Variants in FAM227B observed in about 807,000 individuals in gnomAD.
The protein encoded by FAM227B is family with sequence similarity 227 member B.
In FAM227B, 88 loss-of-function variants were observed where a neutral mutation model predicts 73.8. The ratio of observed to expected loss-of-function variants is 1.19; its 90% CI spans 1.00 to 1.42. The LOEUF (loss-of-function observed/expected upper bound fraction) is 1.42. Ranked by LOEUF, FAM227B falls within the 40% of genes most tolerant of loss-of-function variation. FAM227B has a pLI of 0.00. For synonymous variants in FAM227B, 210 were observed against 190.5 expected (o/e 1.10, Z -0.84); for missense variants, 632 against 590.9 (o/e 1.07, Z -0.72).
At chr15:49,420,345 C>CA (rs2049516891) in intron 11 of FAM227B, among the ~76,000 whole-genome samples, 1 of 151,330 alleles carries the variant, frequency 6.6e-6, no homozygotes, top group Non-Finnish European at 1.5e-5. Flanking sequence ...GTAGCTATAA[C>CA]AAAAACAAAA....
chr15:49,514,780 T>C (rs2059268797), intron 10 of FAM227B, among the ~76,000 whole-genome samples: 2 of 152,120 alleles, frequency 1.3e-5, no homozygotes, highest in Non-Finnish European at 1.5e-5. Flanking sequence ...TTTGTCAAGA[T>C]TTTTCTTTTA....
At chr15:49,367,858 TAAGAA>T (rs2045452473) in intron 12 of FAM227B, 1 of 109,626 alleles carries the variant, frequency 9.1e-6, no homozygotes, top group African/African-American at 3.7e-5. Flanking sequence ...TATTCAGTCT[TAAGAA>T]CAGAAAAAAA....
At position 49,424,379 on chromosome 15, in the gene FAM227B, A is replaced by G. The variant is rs757572324; in HGVS notation, c.1013-52980T>C. 10 of 1,613,572 alleles carry G rather than the reference A, an allele frequency of 6.2e-6. No homozygotes were observed. Among genetic ancestry groups the G allele is most frequent in the Non-Finnish European group, 8.5e-6 (10 of 1,179,718 alleles). ...TCACATTATCTGTCTAGTGGGTACT[A>G]TATCTTTAGCTTGCAATGACATGAC... On this transcript the variant is annotated intron_variant, in intron 11 of 15. Transcript: ENST00000299338.
rs564201111 is a variant in FAM227B at position 49,508,643 on chromosome 15, TAAC to T, written c.875-298_875-296del. ...TAATATTATTATTAATATTATATGT[TAAC>T]AATAATTATGACTATAACATGCTCA... On this transcript the variant is annotated intron_variant, in intron 10 of 15. Coordinates refer to ENST00000299338, the MANE Select transcript of FAM227B (RefSeq NM_152647.3). Among the ~76,000 whole-genome samples the T allele has an allele frequency of 8.8e-4, 134 of 152,210 alleles. 5 individuals are homozygous for T. In the South Asian group the frequency reaches 0.027, roughly 30 times the overall value.
chr15:49,436,322 A>T (rs1455168485), intron 11 of FAM227B, among the ~76,000 whole-genome samples: 1 of 151,628 alleles, frequency 6.6e-6, no homozygotes, highest in Middle Eastern at 3.2e-3. Flanking sequence ...AGTAGGTCTG[A>T]TGAGTCCATT....
At chr15:49,443,212 T>C (rs1247195939) in intron 11 of FAM227B, among the ~76,000 whole-genome samples, 1 of 151,630 alleles carries the variant, frequency 6.6e-6, no homozygotes, top group Non-Finnish European at 1.5e-5. Flanking sequence ...TTACATAAAC[T>C]TAGAATGAAA....
At chr15:49,601,894 T>C (rs1033932262) in intron 3 of FAM227B, among the ~76,000 whole-genome samples, 2 of 152,204 alleles carry the variant, frequency 1.3e-5, no homozygotes, top group Admixed American at 6.5e-5. Flanking sequence ...AGAAATGCAA[T>C]GTTTGTCTTT....
At chr15:49,581,358 G>A (rs1024239543) in intron 5 of FAM227B, among the ~76,000 whole-genome samples, 9 of 150,120 alleles carry the variant, frequency 6.0e-5, no homozygotes, top group South Asian at 2.1e-4. Context: ...ACAGAGTTTC[G>A]CTCTTGTTGC....
chr15:49,410,456 T>G (rs145621552), intron 11 of FAM227B, among the ~76,000 whole-genome samples: 37 of 152,160 alleles, frequency 2.4e-4, no homozygotes, highest in African/African-American at 8.4e-4. Context: ...TCTAATGTTT[T>G]TGTCTTCTTT....
intron 11 of FAM227B, among the ~76,000 whole-genome samples, chr15:49,419,272 A>G (rs924979745): frequency 1.3e-5 from 2 of 152,176 alleles, no homozygotes; most frequent in Non-Finnish European, 2.9e-5. Context: ...TGGGGGCCAT[A>G]AATTTTCTCT....
At chr15:49,616,839 CTAT>C (rs2078320938) in intron 1 of FAM227B, among the ~76,000 whole-genome samples, 1 of 152,056 alleles carries the variant, frequency 6.6e-6, no homozygotes, top group African/African-American at 2.4e-5. Context: ...TAATATCCTC[CTAT>C]TATCTTTGCA....
intron 9 of FAM227B, among the ~76,000 whole-genome samples, chr15:49,552,494 C>T (rs937025565): frequency 2.0e-5 from 3 of 152,200 alleles, no homozygotes; most frequent in Non-Finnish European, 4.4e-5. Context: ...GTTCTATAAC[C>T]TTCTTGTACT....
chr15:49,419,763 TTTATTA>T (rs796618289), intron 11 of FAM227B, among the ~76,000 whole-genome samples: 86 of 152,080 alleles, frequency 5.7e-4, no homozygotes, highest in African/African-American at 2.0e-3. Flanking sequence ...GACAGGTTTT[TTTATTA>T]TTATTATTTT....
intron 9 of FAM227B, among the ~76,000 whole-genome samples, chr15:49,556,816 A>G (rs2073748279): frequency 6.6e-6 from 1 of 152,160 alleles, no homozygotes; most frequent in African/African-American, 2.4e-5. Flanking sequence ...GCTCCATCAC[A>G]GACATTCCCG....
rs555241416 is a variant in FAM227B, at chr15:49,611,438, CATAA to C, written c.52-174_52-171del. Among the ~76,000 whole-genome samples the C allele has an allele frequency of 8.7e-4, 133 of 152,258 alleles. 5 individuals are homozygous for C. In the South Asian group the frequency reaches 0.026, roughly 30 times the overall value. On this transcript the variant is annotated intron_variant, in intron 2 of 15. Coordinates refer to ENST00000299338, the MANE Select transcript of FAM227B (RefSeq NM_152647.3). ...TCCCTCCACTTTGAAAAGGGACACA[CATAA>C]ATGTTTAAGTTCTTAGCCTCCAAAC... is the stretch of plus-strand genomic sequence containing the variant.
intron 11 of FAM227B, among the ~76,000 whole-genome samples, chr15:49,463,402 A>G (rs2053978135): frequency 6.6e-6 from 1 of 152,002 alleles, no homozygotes; most frequent in African/African-American, 2.4e-5. Flanking sequence ...AAAAATACAA[A>G]AATTACCTGG....
chr15:49,608,049 C>T (rs576044017), intron 3 of FAM227B, among the ~76,000 whole-genome samples: 10 of 152,124 alleles, frequency 6.6e-5, no homozygotes, highest in East Asian at 1.9e-4. Flanking sequence ...TCATACTGCC[C>T]GAAAGAAAAT....
intron 13 of FAM227B, among the ~76,000 whole-genome samples, chr15:49,349,733 C>T (rs1412901188): frequency 3.3e-5 from 5 of 152,126 alleles, no homozygotes; most frequent in Non-Finnish European, 4.4e-5. Flanking sequence ...TAGTCATTGA[C>T]CTCTACTGAC....
At chr15:49,512,097 T>A (rs777397403) in intron 10 of FAM227B, among the ~76,000 whole-genome samples, 14 of 152,278 alleles carry the variant, frequency 9.2e-5, no homozygotes, top group Middle Eastern at 3.4e-3. Context: ...GTGCAGAACA[T>A]GCAGGTTTGT....
Sources: allele counts gnomAD v4.1 joint callset (sites outside exome capture counted in the v4.1 genomes callset), GRCh38; gene constraint gnomAD v4.1.1; transcripts MANE v1.5; gene names NCBI Gene and HGNC (gene_info 2026-07-23, HGNC 2026-07-21).